Variants in USH1C observed in about 807,000 individuals in gnomAD.
USH1C encodes the protein USH1 protein network component harmonin.
USH1C carries 90 observed loss-of-function variants against 119.3 expected under a neutral mutation model. The ratio of observed to expected loss-of-function variants is 0.75; its 90% confidence interval spans 0.64 to 0.90. The LOEUF (loss-of-function observed/expected upper bound fraction) is 0.90. Among genes scored for constraint, USH1C ranks in the 40% least tolerant of loss-of-function variants. The pLI is 0.00. For missense variants in USH1C, 1,165 were observed against 1,167.7 expected (o/e 1.00, Z 0.03); for synonymous variants, 465 against 443.3 (o/e 1.05, Z -0.62).
intron 20 of USH1C, among the ~76,000 whole-genome samples, chr11:17,503,438 T>C (rs1036712199): frequency 6.6e-6 from 1 of 152,188 alleles, no homozygotes; most frequent in East Asian, 1.9e-4. Context: ...TGGTTGGCCC[T>C]TAAAGAGGCA....
At chr11:17,527,417 C>T (rs1358288390) in intron 4 of USH1C, 86 bp from the exon 5 acceptor site, 2 of 1,110,188 alleles carry the variant, frequency 1.8e-6, no homozygotes, top group African/African-American at 3.0e-5. Flanking sequence ...TCCCGGACTG[C>T]TCTCCGGAAA....
At chr11:17,533,170 C>G in intron 2 of USH1C, 85 bp downstream of exon 2, 3 of 1,021,722 alleles carry the variant, frequency 2.9e-6, no homozygotes, top group Non-Finnish European at 4.7e-6. Flanking sequence ...CTCTGAGCTC[C>G]TCTGTCTCAG....
At position 17,526,270 on chromosome 11, in the gene USH1C, G is replaced by C. The variant is rs1029587256; in HGVS notation, c.674+77C>G. 4 of 1,247,540 alleles carry C rather than the reference G, an allele frequency of 3.2e-6. No homozygotes were observed. The African/African-American group carries it at 5.9e-5, about 18-fold the overall frequency. 77.3% of individuals were successfully genotyped at this position (1,247,540 alleles called of 1,614,324 possible). On this transcript the variant is annotated intron_variant, in intron 8 of 26. Transcript: ENST00000005226. Reference sequence around the variant, plus strand: ...GGGCAAGGTTTCCTCGGAAGTGGCAGTGAGGAAGGGGAGGGCAATAGGGGC... The same window carrying C: ...GGGCAAGGTTTCCTCGGAAGTGGCACTGAGGAAGGGGAGGGCAATAGGGGC...
At chr11:17,512,763 C>T (rs1424171223) in intron 15 of USH1C, among the ~76,000 whole-genome samples, 3 of 152,170 alleles carry the variant, frequency 2.0e-5, no homozygotes, top group African/African-American at 7.2e-5. Context: ...GCCCCTCTAC[C>T]GAGGGCTAGC....
rs746772980 is a variant in USH1C at position 17,510,444 on chromosome 11, G to T, written c.1491C>A (p.Arg497=). The change falls in exon 17 of 27, where the codon CGC becomes CGA. Residue 497 remains arginine (R), a synonymous_variant. Transcript: ENST00000005226. ...TATCAGCAGAGGAAATCTGCTCGAGGCGCGTTTGACAGAGCCTCTCCACCC... is the reference window on the plus strand; with the variant it reads ...TATCAGCAGAGGAAATCTGCTCGAGTCGCGTTTGACAGAGCCTCTCCACCC... ...QYWVERLCQT[R]LEQISSADNE... The T allele has an allele frequency of 1.2e-6, 2 of 1,612,834 alleles. No individual in the cohort carries two copies. The highest frequency in any genetic ancestry group is 1.7e-6 in the Non-Finnish European group (2 of 1,179,852).
At chr11:17,540,873 T>C (rs963114814) in intron 1 of USH1C, among the ~76,000 whole-genome samples, 1 of 152,172 alleles carries the variant, frequency 6.6e-6, no homozygotes, top group Non-Finnish European at 1.5e-5. Flanking sequence ...GAACAATTCC[T>C]TTTAAATGTA....
chr11:17,512,072 T>C lies in USH1C; in HGVS notation c.1261-18A>G. The C allele has an allele frequency of 6.2e-7, 1 of 1,613,946 alleles. No homozygotes were observed. The highest frequency in any genetic ancestry group is 8.5e-7 in the Non-Finnish European group (1 of 1,179,908). On this transcript the variant is annotated intron_variant, in intron 15 of 26. Coordinates refer to ENST00000005226, the MANE Select transcript of USH1C (RefSeq NM_153676.4). ...TTTCCTTTCTGAGTAGATGTGGCAT[T>C]GTTTATATGACAAAGGTTAGAAATA...
At chr11:17,526,963 C>A in intron 6 of USH1C, 53 bp downstream of exon 6, 1 of 1,563,386 alleles carries the variant, frequency 6.4e-7, no homozygotes, top group Non-Finnish European at 8.7e-7. Context: ...AGGGCTGTAC[C>A]AGGATCCTGG....
rs1326565505 is a variant in USH1C at position 17,531,958 on chromosome 11, G to A, written c.105-416C>T. ...GTTCACATGCCTCCTCCCTCATGCTGTTCAGACCTTCGACTGCAGCTGCCT... is the reference window on the plus strand; with the variant it reads ...GTTCACATGCCTCCTCCCTCATGCTATTCAGACCTTCGACTGCAGCTGCCT... On this transcript the variant is annotated intron_variant, in intron 2 of 26. Transcript: ENST00000005226. This position sits in a 1 kb window ranked among gnomAD's most constrained non-coding sequence, Gnocchi z 4.2. Among the ~76,000 whole-genome samples the A allele has an allele frequency of 6.6e-6, 1 of 152,152 alleles. No homozygotes were observed. The highest frequency in any genetic ancestry group is 1.5e-5 in the Non-Finnish European group (1 of 68,026).
At chr11:17,501,395 A>G in intron 22 of USH1C, 87 bp downstream of exon 22, 2 of 1,470,618 alleles carry the variant, frequency 1.4e-6, no homozygotes, top group Non-Finnish European at 1.9e-6. Flanking sequence ...CCCAGGAGTG[A>G]CCTTGAGAGT....
chr11:17,512,885 C>T (rs1849956610), intron 15 of USH1C, among the ~76,000 whole-genome samples: 1 of 152,138 alleles, frequency 6.6e-6, no homozygotes, highest in African/African-American at 2.4e-5. Context: ...AAATAGACTC[C>T]TTATTTTTCC....
intron 11 of USH1C, 96 bp downstream of exon 11, chr11:17,523,115 G>A (rs764733566): frequency 3.3e-5 from 52 of 1,596,614 alleles, no homozygotes; most frequent in Non-Finnish European, 4.5e-5. Flanking sequence ...TTCAGGGAAG[G>A]AGACCAGCCA....
In USH1C at chr11:17,511,922, T is replaced by C; in HGVS notation, c.1393A>G (p.Ile465Val). ...EMLEKEKQLK[I>V]NRLAQEVSET... ...CATACCTCCTGGGCCAGCCGGTTGA[T>C]CTTTAGCTGCTTTTCCTTCTCCAGC... The change falls in exon 16 of 27, where the codon ATC (isoleucine) becomes GTC (valine). Residue 465 changes from isoleucine (I) to valine (V), a missense_variant. Transcript: ENST00000005226. The C allele has an allele frequency of 6.2e-7, 1 of 1,613,976 alleles. No individual in the cohort carries two copies. Among genetic ancestry groups the C allele is most frequent in the Non-Finnish European group, 8.5e-7 (1 of 1,179,978 alleles).
Position 17,510,467 on chromosome 11 carries a change from C to A in USH1C, c.1468G>T (p.Val490Leu), listed in dbSNP as rs1565034960. The A allele has an allele frequency of 1.9e-6, 3 of 1,613,648 alleles. No homozygotes were observed. Among genetic ancestry groups the A allele is most frequent in the Non-Finnish European group, 2.5e-6 (3 of 1,179,976 alleles). The change falls in exon 17 of 27, where the codon GTG becomes TTG. Residue 490 changes from valine to leucine, a missense_variant. Val to Leu is a conservative substitution (Grantham distance 32). Coordinates refer to ENST00000005226, the MANE Select transcript of USH1C (RefSeq NM_153676.4). ...LEESEKIQYW[V>L]ERLCQTRLEQ... ...AGGCGCGTTTGACAGAGCCTCTCCA[C>A]CCAATATTGAATCTTTTCCGATTCT...
In USH1C at chr11:17,509,469, G is replaced by A; in HGVS notation, c.1900C>T (p.Pro634Ser). The change falls in exon 18 of 27, where the codon CCC becomes TCC. Residue 634 changes from proline (P) to serine (S), a missense_variant. Physicochemically the swap from Pro to Ser is moderately conservative, Grantham distance 74. Transcript: ENST00000005226. ...TTGCCTGTGTCCCCAGTGCGGAAGG[G>A]ATGGTTGCTCAGTGCTTCTTCCAGC... Reference protein sequence around the residue: ...SALEEALSNHPFRTGDTGNPV... With the variant: ...SALEEALSNHSFRTGDTGNPV... 2.6e-6 allele frequency: 4 copies of A among 1,559,616 alleles called. No individual in the cohort carries two copies. The highest frequency in any genetic ancestry group is 3.5e-6 in the Non-Finnish European group (4 of 1,146,256).
chr11:17,536,598 G>T (rs780104454), intron 1 of USH1C, among the ~76,000 whole-genome samples: 1 of 152,144 alleles, frequency 6.6e-6, no homozygotes, highest in African/African-American at 2.4e-5. Flanking sequence ...CATCCTACCT[G>T]TCTCCTGAGA....
intron 19 of USH1C, 93 bp from the exon 20 acceptor site, chr11:17,504,790 G>T: frequency 1.5e-6 from 2 of 1,370,236 alleles, no homozygotes; most frequent in Non-Finnish European, 1.0e-6. Context: ...GCCAGTCTGG[G>T]GCTGCCGTGC....
chr11:17,523,294 G>A (rs928578021), intron 10 of USH1C, 27 bp from the exon 11 acceptor site: 9 of 1,614,148 alleles, frequency 5.6e-6, no homozygotes, highest in South Asian at 1.1e-5. Context: ...ACAGTGGGCC[G>A]AGGCCTGACA....
intron 12 of USH1C, 99 bp downstream of exon 12, chr11:17,522,685 G>A: frequency 6.4e-7 from 1 of 1,568,584 alleles, no homozygotes; most frequent in Non-Finnish European, 8.7e-7. Context: ...GGGAGGAGGA[G>A]GAAGTTGGCT....
Sources: gnomAD v4.1 joint callset for allele counts (sites outside exome capture counted in the v4.1 genomes callset) on GRCh38, gnomAD v4.1.1 for gene constraint, Gnocchi (gnomAD v3.1) non-coding constraint, MANE v1.5 for transcripts, NCBI Gene and HGNC (gene_info 2026-07-23, HGNC 2026-07-21) for gene names.